Variants in KLHDC1 observed in about 807,000 individuals in gnomAD.
KLHDC1 encodes kelch domain-containing protein 1.
In KLHDC1, 53 loss-of-function variants were observed where a neutral mutation model predicts 68.3. The observed-to-expected ratio is 0.78, with a 90% CI of 0.62 to 0.98. KLHDC1 has a LOEUF of 0.98. KLHDC1 is among the 50% of genes least tolerant of loss of function. KLHDC1 has a pLI of 0.00. For missense variants in KLHDC1, 470 were observed against 492.3 expected (o/e 0.95, Z 0.43); for synonymous variants, 148 against 159.0 (o/e 0.93, Z 0.52).
At chr14:49,732,200 T>C (rs1054586426) in intron 8 of KLHDC1, among the ~76,000 whole-genome samples, 17 of 151,496 alleles carry the variant, frequency 1.1e-4, no homozygotes, top group Admixed American at 6.6e-4. Flanking sequence ...GGAGAAGCAG[T>C]CTCTCTCTGT....
chr14:49,742,144 G>T (rs541810623), intron 11 of KLHDC1, among the ~76,000 whole-genome samples: 100 of 152,256 alleles, frequency 6.6e-4, no homozygotes, highest in Admixed American at 3.5e-3. Context: ...TATTAAAAAA[G>T]CAAATTTTGT....
intron 1 of KLHDC1, among the ~76,000 whole-genome samples, chr14:49,699,474 CT>C (rs1234438728): frequency 6.6e-6 from 1 of 150,952 alleles, no homozygotes; most frequent in Non-Finnish European, 1.5e-5. Context: ...TAGAATTCTT[CT>C]AACAATTATC....
At chr14:49,706,709 G>T (rs1484369987) in intron 1 of KLHDC1, among the ~76,000 whole-genome samples, 1 of 152,092 alleles carries the variant, frequency 6.6e-6, no homozygotes. Flanking sequence ...TTGTAGTTTT[G>T]ATTTGCACTT....
intron 12 of KLHDC1, among the ~76,000 whole-genome samples, chr14:49,745,565 G>A (rs1225662268): frequency 6.6e-6 from 1 of 152,166 alleles, no homozygotes; most frequent in Non-Finnish European, 1.5e-5. Context: ...CATATACAAA[G>A]TTTATGAGAA....
chr14:49,709,886 CT>C, intron 3 of KLHDC1, 60 bp downstream of exon 3: 1 of 777,526 alleles, frequency 1.3e-6, no homozygotes, highest in East Asian at 2.8e-5. Context: ...ATCATTTCAT[CT>C]CACAAGTTAC....
At chr14:49,738,843 C>G (rs1888995067) in intron 10 of KLHDC1, among the ~76,000 whole-genome samples, 1 of 152,214 alleles carries the variant, frequency 6.6e-6, no homozygotes, top group Admixed American at 6.5e-5. Flanking sequence ...GTAAATACTC[C>G]TACCATGGCC....
At chr14:49,704,102 C>G (rs906756189) in intron 1 of KLHDC1, among the ~76,000 whole-genome samples, 3 of 152,204 alleles carry the variant, frequency 2.0e-5, no homozygotes, top group Non-Finnish European at 4.4e-5. Flanking sequence ...CTTGGCAACA[C>G]ATTTGGTACC....
chr14:49,744,967 C>G (rs78691032), intron 12 of KLHDC1, among the ~76,000 whole-genome samples: 12,594 of 152,086 alleles, frequency 0.083, 624 homozygotes, highest in Non-Finnish European at 0.12. Flanking sequence ...GGAGTCTGTA[C>G]AAAGTTTAGT....
intron 1 of KLHDC1, among the ~76,000 whole-genome samples, chr14:49,699,496 C>A (rs1230420013): frequency 6.6e-6 from 1 of 151,648 alleles, no homozygotes; most frequent in East Asian, 1.9e-4. Flanking sequence ...TTATTCCGAT[C>A]GTTCTAAACA....
intron 4 of KLHDC1, among the ~76,000 whole-genome samples, chr14:49,719,669 C>G (rs1473980669): frequency 6.6e-6 from 1 of 151,922 alleles, no homozygotes; most frequent in Non-Finnish European, 1.5e-5. Flanking sequence ...AACTCCTGAC[C>G]TCGTGATCCA....
In KLHDC1 at chr14:49,729,478, CT is replaced by C. The variant is rs1888749735; in HGVS notation, c.652-8del. ...GTGAAATACTGACCAATGTAACACA[CT>C]TTTCTTTTAGCAAACTAGGATGAAT... On this transcript the variant is annotated splice_polypyrimidine_tract_variant and intron_variant, in intron 7 of 12. Coordinates refer to ENST00000359332, the MANE Select transcript of KLHDC1 (RefSeq NM_172193.3). 6.3e-7 allele frequency: 1 copy of C among 1,595,082 alleles called. No homozygotes were observed. Among genetic ancestry groups the C allele is most frequent in the Admixed American group, 1.7e-5 (1 of 59,846 alleles).
At chr14:49,738,848 A>G (rs377011454) in intron 10 of KLHDC1, among the ~76,000 whole-genome samples, 84 of 152,282 alleles carry the variant, frequency 5.5e-4, no homozygotes, top group African/African-American at 1.8e-3. Context: ...TACTCCTACC[A>G]TGGCCAATTT....
chr14:49,748,151 A>G (rs1457264340), intron 12 of KLHDC1, among the ~76,000 whole-genome samples: 3 of 152,218 alleles, frequency 2.0e-5, no homozygotes, highest in Admixed American at 6.5e-5. Context: ...AAGAATGAAA[A>G]GGTTTCTCCA....
rs1281269515 is a variant in KLHDC1, at chr14:49,732,881, C to T, written c.823+65C>T. The T allele has an allele frequency of 2.4e-6, 2 of 820,614 alleles. 1 individual carries two copies. Among genetic ancestry groups the T allele is most frequent in the Non-Finnish European group, 4.0e-6 (2 of 493,920 alleles). The allele number at this position is 820,614 out of a possible 1,614,324, so 50.8% of individuals were successfully genotyped here. A position where few individuals can be genotyped will look rare whatever the true frequency, so the allele number is the denominator to read the frequency against. On this transcript the variant is annotated intron_variant, in intron 9 of 12. Transcript: ENST00000359332. ...TCTTTTTTCTTAATTGTATTTCATA[C>T]TTACAGTGAAGTAAATCTTCCTTTT...
At chr14:49,750,929 A>T (rs1889308082) in intron 12 of KLHDC1, 1 of 152,152 alleles carries the variant, frequency 6.6e-6, no homozygotes, top group African/African-American at 2.4e-5. Context: ...CAAATAAGTC[A>T]AGTGTGTAAC....
intron 4 of KLHDC1, among the ~76,000 whole-genome samples, chr14:49,722,650 C>A (rs1888557899): frequency 6.6e-6 from 1 of 152,148 alleles, no homozygotes. Flanking sequence ...AAAGACTGGG[C>A]AATTTACAAG....
chr14:49,706,792 G>A (rs1288094137), intron 1 of KLHDC1, among the ~76,000 whole-genome samples: 1 of 152,290 alleles, frequency 6.6e-6, no homozygotes. Context: ...TTGGAGAAAT[G>A]TGTATACAAG....
At chr14:49,701,921 C>G (rs1329751178) in intron 1 of KLHDC1, among the ~76,000 whole-genome samples, 3 of 152,116 alleles carry the variant, frequency 2.0e-5, no homozygotes, top group African/African-American at 7.2e-5. Context: ...GTAATCCCAG[C>G]ACTTTGGGAG....
intron 10 of KLHDC1, among the ~76,000 whole-genome samples, chr14:49,737,504 G>T (rs1411991598): frequency 6.6e-6 from 1 of 152,094 alleles, no homozygotes; most frequent in Non-Finnish European, 1.5e-5. Flanking sequence ...AAGTTGTGTG[G>T]TAATAAAATA....
Sources: gnomAD v4.1 joint callset for allele counts (sites outside exome capture counted in the v4.1 genomes callset) on GRCh38, gnomAD v4.1.1 for gene constraint, MANE v1.5 for transcripts, NCBI Gene and HGNC (gene_info 2026-07-23, HGNC 2026-07-21) for gene names.